The following LRRC56 variants were observed in gnomAD, a reference collection of about 807,000 sequenced individuals.
LRRC56 encodes leucine-rich repeat-containing protein 56.
A neutral mutation model predicts 47.8 loss-of-function variants in LRRC56; 41 were observed. The observed-to-expected ratio is 0.86, with a 90% CI of 0.67 to 1.11. The LOEUF (loss-of-function observed/expected upper bound fraction) is 1.11, where lower values mean the gene tolerates loss of function less well. Ranked by LOEUF, LRRC56 falls within the 50% of genes most tolerant of loss-of-function variation. The pLI is 0.00. For missense variants in LRRC56, 759 were observed against 704.2 expected (o/e 1.08, Z -0.88); for synonymous variants, 387 against 311.2 (o/e 1.24, Z -2.56).
intron 1 of LRRC56, among the ~76,000 whole-genome samples, chr11:537,879 G>C (rs889249342): frequency 6.6e-6 from 1 of 152,222 alleles, no homozygotes; most frequent in Non-Finnish European, 1.5e-5. Context: ...AGGGTGCTCA[G>C]GGTTCCAGGG....
intron 12 of LRRC56, 57 bp from the exon 13 acceptor site, chr11:552,512 G>A (rs529767766): frequency 1.4e-6 from 2 of 1,445,478 alleles, no homozygotes; most frequent in Non-Finnish European, 1.9e-6. Context: ...CCATCCCTAT[G>A]TGTCCTGTCC....
the LRRC56 span, among the ~76,000 whole-genome samples, chr11:512,222 G>A: frequency 5.6e-4 from 84 of 151,076 alleles, no homozygotes; most frequent in African/African-American, 1.9e-3. Context: ...GATTATAGGT[G>A]TGAGCCACAA....
intron 6 of LRRC56, among the ~76,000 whole-genome samples, chr11:545,680 T>C (rs1044999473): frequency 6.6e-6 from 1 of 152,102 alleles, no homozygotes; most frequent in Non-Finnish European, 1.5e-5. Context: ...GCTGAAGACG[T>C]TGGCGGCTCT....
chr11:525,322 G>C, the LRRC56 span, among the ~76,000 whole-genome samples: 1 of 151,806 alleles, frequency 6.6e-6, no homozygotes, highest in Non-Finnish European at 1.5e-5. Flanking sequence ...GGCGGATCAC[G>C]AGGTCAGGAG....
At chr11:549,314 G>A (rs1164962057) in intron 6 of LRRC56, among the ~76,000 whole-genome samples, 2 of 152,204 alleles carry the variant, frequency 1.3e-5, no homozygotes, top group South Asian at 4.1e-4. Flanking sequence ...AGAGGGGCAG[G>A]TGCAGGGTCC....
intron 6 of LRRC56, among the ~76,000 whole-genome samples, chr11:546,866 CGTG>C (rs1235100352): frequency 6.6e-6 from 1 of 151,832 alleles, no homozygotes; most frequent in Non-Finnish European, 1.5e-5. Context: ...GCCTGGCTAA[CGTG>C]GTGAAAACCC....
At chr11:534,477 TG>T, upstream of LRRC56, 1 of 642,174 alleles carries the variant, frequency 1.6e-6, no homozygotes, top group Non-Finnish European at 2.7e-6. Context: ...CAGCGGTCCC[TG>T]GGCCCCAACG....
chr11:535,229 C>T (rs992176642), upstream of LRRC56: 5 of 149,670 alleles, frequency 3.3e-5, no homozygotes, highest in Non-Finnish European at 7.5e-5. Flanking sequence ...GGGGCCCCCG[C>T]CCGCCGCAGC....
upstream of LRRC56, among the ~76,000 whole-genome samples, chr11:532,994 C>T (rs1165865110): frequency 2.0e-5 from 3 of 152,230 alleles, no homozygotes; most frequent in East Asian, 5.8e-4. Context: ...CCCTCCTGAA[C>T]TCCAGGTCTG....
chr11:535,747 T>C (rs1851460105), upstream of LRRC56, among the ~76,000 whole-genome samples: 1 of 152,146 alleles, frequency 6.6e-6, no homozygotes, highest in African/African-American at 2.4e-5. Context: ...GGCCGCGGCC[T>C]CTCGGGGTTG....
At chr11:529,004 A>G in the LRRC56 span, 11 of 152,226 alleles carry the variant, frequency 7.2e-5, no homozygotes, top group African/African-American at 2.4e-4. Flanking sequence ...ACAGTCACTA[A>G]CAGGTGGCCT....
intron 6 of LRRC56, among the ~76,000 whole-genome samples, chr11:548,313 C>G (rs1852192205): frequency 6.6e-6 from 1 of 152,188 alleles, no homozygotes; most frequent in African/African-American, 2.4e-5. Flanking sequence ...CAGGGTCTCA[C>G]TCTGTCGCCC....
chr11:513,984 T>TTTTG, the LRRC56 span, among the ~76,000 whole-genome samples: 1 of 151,998 alleles, frequency 6.6e-6, no homozygotes, highest in African/African-American at 2.4e-5. Context: ...TATCTTAGTT[T>TTTTG]TTTGTTTGTT....
In LRRC56 at chr11:554,888, T is replaced by C. The variant is rs1402655047; in HGVS notation, c.*612T>C. ...AATGCGGTTTACTTTGTAGGCCACG[T>C]TGGTTCAATAAATGATGCAGCGGAC... On this transcript the variant is annotated 3_prime_UTR_variant, in exon 14 of 14. Transcript: ENST00000270115. 1.2e-5 allele frequency: 10 copies of C among 866,320 alleles called. No individual in the cohort carries two copies. The highest frequency in any genetic ancestry group is 1.8e-5 in the African/African-American group (1 of 55,220). 53.7% of individuals were successfully genotyped at this position (866,320 alleles called of 1,614,324 possible). A position where few individuals can be genotyped will look rare whatever the true frequency, so the allele number is the denominator to read the frequency against.
intron 6 of LRRC56, 119 bp from the exon 7 acceptor site, chr11:549,783 C>T: frequency 1.3e-6 from 1 of 761,166 alleles, no homozygotes; most frequent in Non-Finnish European, 2.2e-6. Flanking sequence ...GCCCCTTCCT[C>T]AGTCTAGAGG....
rs753474020 is a variant in LRRC56, at chr11:554,308, G to A, written c.*32G>A. 1.0e-5 allele frequency: 15 copies of A among 1,466,734 alleles called. No homozygotes were observed. Among genetic ancestry groups the A allele is most frequent in the Non-Finnish European group, 1.2e-5 (13 of 1,112,532 alleles). The allele number at this position is 1,466,734 out of a possible 1,614,324, so 90.9% of individuals were successfully genotyped here. A position where few individuals can be genotyped will look rare whatever the true frequency, so the allele number is the denominator to read the frequency against. On this transcript the variant is annotated 3_prime_UTR_variant, in exon 14 of 14. Coordinates refer to ENST00000270115, the MANE Select transcript of LRRC56 (RefSeq NM_198075.4). ...CCCCACTGCCAGGCTTCCCTGTGCTGGGGCCACGACTTGCCCACATATGTG... is the reference window on the plus strand; with the variant it reads ...CCCCACTGCCAGGCTTCCCTGTGCTAGGGCCACGACTTGCCCACATATGTG...
At chr11:538,358 G>A (rs1207822266) in intron 1 of LRRC56, among the ~76,000 whole-genome samples, 1 of 152,198 alleles carries the variant, frequency 6.6e-6, no homozygotes, top group Non-Finnish European at 1.5e-5. Context: ...GGATGGAGGT[G>A]GCCAGAGTCT....
At position 541,287 on chromosome 11, in the gene LRRC56, C is replaced by A. The variant is rs906900902; in HGVS notation, c.178-250C>A. Reference sequence around the variant, plus strand: ...GGTGTGGTGTGTCTGCCCTGGGAGTCTCTCTGGAGACGGGCAGCCCCCAGG... The same window carrying A: ...GGTGTGGTGTGTCTGCCCTGGGAGTATCTCTGGAGACGGGCAGCCCCCAGG... On this transcript the variant is annotated intron_variant, in intron 4 of 13. Transcript: ENST00000270115. The surrounding 1 kb of genome is among the most constrained non-coding windows in gnomAD (Gnocchi z 4.1). Among the ~76,000 whole-genome samples, 1 of 152,170 alleles carries A rather than the reference C, an allele frequency of 6.6e-6. No homozygotes were observed. Among genetic ancestry groups the A allele is most frequent in the African/African-American group, 2.4e-5 (1 of 41,448 alleles).
At chr11:547,920 G>T (rs1852172885) in intron 6 of LRRC56, among the ~76,000 whole-genome samples, 2 of 152,000 alleles carry the variant, frequency 1.3e-5, no homozygotes, top group African/African-American at 2.4e-5. Context: ...GAGGTCAGCA[G>T]TTCAAGACCA....
Sources: gnomAD v4.1 joint callset for allele counts (sites outside exome capture counted in the v4.1 genomes callset) on GRCh38, gnomAD v4.1.1 for gene constraint, Gnocchi (gnomAD v3.1) non-coding constraint, MANE v1.5 for transcripts, NCBI Gene and HGNC (gene_info 2026-07-23, HGNC 2026-07-21) for gene names.